Variants in NEXN observed in about 807,000 individuals in gnomAD.
The protein encoded by NEXN is nexilin.
Under a neutral mutation model 92.6 loss-of-function variants are expected in NEXN, and 65 were observed. The observed-to-expected ratio is 0.70, with a 90% confidence interval of 0.57 to 0.86. The LOEUF (loss-of-function observed/expected upper bound fraction) is 0.86. NEXN is among the 40% of genes least tolerant of loss of function. The probability of loss-of-function intolerance (pLI) is 0.00; values close to 1 mark genes in which losing one functional copy is unlikely to be tolerated. For missense variants in NEXN, 778 were observed against 771.1 expected, an observed-to-expected ratio of 1.01 and a Z score of -0.11; for synonymous variants, 254 against 242.5, an observed-to-expected ratio of 1.05 and a Z score of -0.44.
intron 1 of NEXN, among the ~76,000 whole-genome samples, chr1:77,895,441 G>A (rs1647213671): frequency 6.6e-6 from 1 of 152,110 alleles, no homozygotes; most frequent in Admixed American, 6.5e-5. Flanking sequence ...CTGTACAAGT[G>A]AAAAATGATA....
At chr1:77,938,383 G>A (rs1650960952) in intron 11 of NEXN, among the ~76,000 whole-genome samples, 1 of 152,114 alleles carries the variant, frequency 6.6e-6, no homozygotes. Flanking sequence ...GGGTGCGGTG[G>A]CTCACACCTG....
chr1:77,928,420 T>A (rs1557983852), intron 8 of NEXN, among the ~76,000 whole-genome samples: 2 of 151,942 alleles, frequency 1.3e-5, no homozygotes, highest in African/African-American at 4.8e-5. Flanking sequence ...ATATAAAAAT[T>A]TAATTTTCTA....
Position 77,914,181 on chromosome 1 carries a change from A to C in NEXN, c.-52-1874A>C, listed in dbSNP as rs147548028. On this transcript the variant is annotated intron_variant, in intron 1 of 12. Coordinates refer to ENST00000334785, the MANE Select transcript of NEXN (RefSeq NM_144573.4). ...GACACATGTCATTGTACATTTACCC[A>C]AAACCCACAGAATGTACAACTCAGG... Among the ~76,000 whole-genome samples, 18 of 152,342 alleles carry C rather than the reference A, an allele frequency of 1.2e-4. No homozygotes were observed. In the East Asian group the frequency reaches 2.1e-3, roughly 18 times the overall value.
At chr1:77,905,383 G>T (rs1273328047) in intron 1 of NEXN, among the ~76,000 whole-genome samples, 3 of 151,622 alleles carry the variant, frequency 2.0e-5, no homozygotes, top group Non-Finnish European at 4.4e-5. Flanking sequence ...GATTCACCTT[G>T]AAGCTGGCAA....
rs145017889 is a variant in NEXN at position 77,943,535 on chromosome 1, CAGTGTTG to C, written c.*716_*722del. 0.047 allele frequency: 7,181 copies of C among 153,830 alleles called. 224 individuals are homozygous for C. The highest frequency in any genetic ancestry group is 0.11 in the East Asian group (557 of 5,212). 9.5% of individuals were successfully genotyped at this position (153,830 alleles called of 1,614,324 possible). Reference sequence around the variant, plus strand: ...TTAAAGGACTTAAAGAATGGCTATACAGTGTTGAGTGTTGAGGATATTAAACATGTTA... The same window carrying C: ...TTAAAGGACTTAAAGAATGGCTATACAGTGTTGAGGATATTAAACATGTTA... On this transcript the variant is annotated 3_prime_UTR_variant, in exon 13 of 13. Transcript: ENST00000334785.
chr1:77,900,698 T>C (rs2102047225), intron 1 of NEXN, among the ~76,000 whole-genome samples: 1 of 152,348 alleles, frequency 6.6e-6, no homozygotes, highest in East Asian at 1.9e-4. Flanking sequence ...AGAATGCCAT[T>C]ACTAAATCTC....
intron 1 of NEXN, among the ~76,000 whole-genome samples, chr1:77,907,532 A>G (rs903375952): frequency 2.6e-5 from 4 of 152,108 alleles, no homozygotes; most frequent in African/African-American, 9.7e-5. Context: ...GTAAAGGATC[A>G]CTTGCTTATA....
intron 5 of NEXN, chr1:77,924,188 C>A: frequency 5.6e-6 from 1 of 177,716 alleles, no homozygotes; most frequent in Non-Finnish European, 1.2e-5. Flanking sequence ...ATGGTGAAAC[C>A]CCATCTCTAC....
chr1:77,900,301 C>T (rs1007751475), intron 1 of NEXN, among the ~76,000 whole-genome samples: 3 of 152,126 alleles, frequency 2.0e-5, no homozygotes, highest in Admixed American at 6.6e-5. Context: ...TCATTGTCTC[C>T]GTGAAACCTT....
At chr1:77,923,160 ATTT>A (rs763944057) in intron 5 of NEXN, among the ~76,000 whole-genome samples, 1 of 124,368 alleles carries the variant, frequency 8.0e-6, no homozygotes, top group African/African-American at 3.1e-5. Flanking sequence ...CACCCAGCTA[ATTT>A]TTTTTTTTTT....
intron 1 of NEXN, among the ~76,000 whole-genome samples, chr1:77,906,817 G>T (rs1648146206): frequency 6.6e-6 from 1 of 151,876 alleles, no homozygotes; most frequent in Non-Finnish European, 1.5e-5. Context: ...ACCACACCCA[G>T]ATTAATTTTT....
chr1:77,923,676 TCTC>T (rs1215966089), intron 5 of NEXN, among the ~76,000 whole-genome samples: 2 of 126,826 alleles, frequency 1.6e-5, no homozygotes, highest in African/African-American at 5.7e-5. Flanking sequence ...TAAATTGAGC[TCTC>T]TTTTTTTTTT....
intron 11 of NEXN, chr1:77,941,713 A>G: frequency 2.6e-6 from 1 of 391,782 alleles, no homozygotes; most frequent in Non-Finnish European, 4.8e-6. Context: ...AATGTATAGC[A>G]TTCTGACCTT....
intron 11 of NEXN, among the ~76,000 whole-genome samples, chr1:77,938,220 T>C (rs1304538098): frequency 9.2e-5 from 14 of 152,358 alleles, no homozygotes. Flanking sequence ...CCTGGGTTAG[T>C]TGTAGATAAA....
chr1:77,898,749 C>T (rs933001303), intron 1 of NEXN, among the ~76,000 whole-genome samples: 16 of 152,096 alleles, frequency 1.1e-4, no homozygotes, highest in Admixed American at 3.9e-4. Flanking sequence ...AGAAAATTTT[C>T]GCAACCTACT....
rs778779148 is a variant in NEXN, at chr1:77,935,819, G to T, written c.1252-4G>T. 3 of 1,608,986 alleles carry T rather than the reference G, an allele frequency of 1.9e-6. No homozygotes were observed. The Admixed American group carries it at 5.0e-5, about 27-fold the overall frequency. On this transcript the variant is annotated splice_polypyrimidine_tract_variant and splice_region_variant and intron_variant, in intron 10 of 12. Coordinates refer to ENST00000334785, the MANE Select transcript of NEXN (RefSeq NM_144573.4). ...AGCAACAAACTTATTAATTTTTTTTGAAGGAAGAGGAAGAAAATGAAACCT... is the reference window on the plus strand; with the variant it reads ...AGCAACAAACTTATTAATTTTTTTTTAAGGAAGAGGAAGAAAATGAAACCT...
chr1:77,894,812 T>C (rs575482492), intron 1 of NEXN, among the ~76,000 whole-genome samples: 1 of 151,838 alleles, frequency 6.6e-6, no homozygotes, highest in Non-Finnish European at 1.5e-5. Context: ...ACCTCCCGGG[T>C]TCTAGCAATT....
intron 1 of NEXN, among the ~76,000 whole-genome samples, chr1:77,902,415 T>C (rs1356957593): frequency 6.6e-6 from 1 of 151,456 alleles, no homozygotes; most frequent in Non-Finnish European, 1.5e-5. Context: ...GTTAAAGTTT[T>C]CCCAAAAGAG....
chr1:77,925,476 A>C (rs1176410210), intron 6 of NEXN, among the ~76,000 whole-genome samples: 1 of 152,216 alleles, frequency 6.6e-6, no homozygotes, highest in Non-Finnish European at 1.5e-5. Context: ...TATTAGTCTC[A>C]GTTTGAGATA....
Sources: gnomAD v4.1 joint callset for allele counts (sites outside exome capture counted in the v4.1 genomes callset) on GRCh38, gnomAD v4.1.1 for gene constraint, MANE v1.5 for transcripts, NCBI Gene and HGNC (gene_info 2026-07-23, HGNC 2026-07-21) for gene names.